The following PYHIN1 variants were observed in gnomAD, a reference collection of about 807,000 sequenced individuals.
PYHIN1 encodes the protein pyrin and HIN domain family member 1.
PYHIN1 carries 32 observed loss-of-function variants against 43.7 expected under a neutral mutation model. The observed-to-expected ratio is 0.73, with a 90% CI of 0.55 to 0.98. The LOEUF (loss-of-function observed/expected upper bound fraction) is 0.98, where lower values mean the gene tolerates loss of function less well. Ranked by LOEUF, PYHIN1 falls within the 50% of genes least tolerant of loss-of-function variation. The pLI, the probability that PYHIN1 is intolerant of heterozygous loss-of-function variation, is 0.00. For synonymous variants in PYHIN1, 205 were observed against 203.1 expected, an observed-to-expected ratio of 1.01 and a Z score of -0.08; for missense variants, 588 against 589.5, an observed-to-expected ratio of 1.00 and a Z score of 0.03.
At chr1:158,983,130 AT>A in the PYHIN1 span, among the ~76,000 whole-genome samples, 2 of 150,738 alleles carry the variant, frequency 1.3e-5, no homozygotes, top group East Asian at 2.0e-4. Flanking sequence ...GACGTCTTTT[AT>A]TTTTTTTTCT....
In PYHIN1 at chr1:158,959,796, C is replaced by G. The variant is rs77312512; in HGVS notation, c.1360-13851C>G. The stretch of plus-strand genomic sequence containing the variant: ...TTTCCCCCTTTCTATACCATAAGCT[C>G]AGATGGTAGGTAGAGTCTACCCCAG... On this transcript the variant is annotated intron_variant, in intron 7 of 8. Coordinates refer to ENST00000368140, the MANE Select transcript of PYHIN1 (RefSeq NM_152501.5). 8.1e-3 allele frequency among the ~76,000 whole-genome samples: 1,226 copies of G among 152,244 alleles called. 17 individuals carry two copies. Among genetic ancestry groups the G allele is most frequent in the African/African-American group, 0.028 (1,164 of 41,522 alleles).
intron 7 of PYHIN1, among the ~76,000 whole-genome samples, chr1:158,952,999 C>T (rs1649658677): frequency 6.6e-6 from 1 of 152,180 alleles, no homozygotes; most frequent in African/African-American, 2.4e-5. Context: ...GATCGACGCA[C>T]CTGGAAAATC....
chr1:158,973,834 T>C, intron 8 of PYHIN1, 63 bp downstream of exon 8: 2 of 1,520,920 alleles, frequency 1.3e-6, no homozygotes, highest in Non-Finnish European at 9.0e-7. Context: ...AATCAGAGTC[T>C]TCAAAGGGAT....
intron 4 of PYHIN1, chr1:158,939,700 G>A (rs1263773737): frequency 1.6e-6 from 1 of 620,160 alleles, no homozygotes; most frequent in Non-Finnish European, 2.9e-6. Context: ...CTTATCCTCA[G>A]GGAATCCTCA....
rs760037772 is a variant in PYHIN1, at chr1:158,942,375, A to G, written c.978A>G (p.Val326=). 24 of 1,603,276 alleles carry G rather than the reference A, an allele frequency of 1.5e-5. No individual in the cohort carries two copies. Among genetic ancestry groups the G allele is most frequent in the Non-Finnish European group, 2.0e-5 (23 of 1,176,378 alleles). ...ACAAACAAACTTCAGGATATATTGT[A>G]TATGGATTATTTATGCTACATACGG... ...ILHKQTSGYI[V]YGLFMLHTKI... The change falls in exon 5 of 9, where the codon GTA becomes GTG. Residue 326 remains valine (V), a synonymous_variant. Transcript: ENST00000368140.
chr1:158,952,641 G>A (rs1353742039), intron 7 of PYHIN1, among the ~76,000 whole-genome samples: 1 of 152,098 alleles, frequency 6.6e-6, no homozygotes, highest in African/African-American at 2.4e-5. Flanking sequence ...GGCTCTTCTG[G>A]TTGCAATGAA....
At chr1:158,988,033 C>T in the PYHIN1 span, among the ~76,000 whole-genome samples, 1 of 152,094 alleles carries the variant, frequency 6.6e-6, no homozygotes, top group Admixed American at 6.6e-5. Flanking sequence ...TTCATCAAAC[C>T]GCTAGAACCT....
chr1:158,932,067 T>G (rs1296313488), intron 1 of PYHIN1, among the ~76,000 whole-genome samples: 2 of 152,208 alleles, frequency 1.3e-5, no homozygotes, highest in African/African-American at 4.8e-5. Flanking sequence ...TCTCTGAGGT[T>G]AGAAAGCTTG....
At chr1:158,962,737 C>A (rs999521671) in intron 7 of PYHIN1, among the ~76,000 whole-genome samples, 1 of 152,160 alleles carries the variant, frequency 6.6e-6, no homozygotes, top group Non-Finnish European at 1.5e-5. Context: ...GTCTCTCTTC[C>A]CTATGAGCTC....
At chr1:158,975,140 G>A (rs192574832) in intron 8 of PYHIN1, among the ~76,000 whole-genome samples, 91 of 152,068 alleles carry the variant, frequency 6.0e-4, no homozygotes, top group Admixed American at 2.8e-3. Context: ...CACTTCCACA[G>A]GATGCCTGGA....
At chr1:158,942,867 T>C (rs1377810146) in intron 5 of PYHIN1, among the ~76,000 whole-genome samples, 1 of 152,208 alleles carries the variant, frequency 6.6e-6, no homozygotes, top group Non-Finnish European at 1.5e-5. Flanking sequence ...TACCTGGAAA[T>C]CAATTGCAGT....
chr1:158,974,822 G>T (rs774161923), intron 8 of PYHIN1, among the ~76,000 whole-genome samples: 9 of 152,130 alleles, frequency 5.9e-5, no homozygotes, highest in Admixed American at 5.9e-4. Context: ...TGGCTTAGGT[G>T]ACCATGGATG....
chr1:158,952,922 T>C (rs575522943), intron 7 of PYHIN1, among the ~76,000 whole-genome samples: 1 of 151,984 alleles, frequency 6.6e-6, no homozygotes, highest in South Asian at 2.1e-4. Context: ...CGAAGTAGGG[T>C]GAGGCATTGC....
chr1:158,984,747 G>A, the PYHIN1 span, among the ~76,000 whole-genome samples: 1 of 152,128 alleles, frequency 6.6e-6, no homozygotes, highest in Non-Finnish European at 1.5e-5. Flanking sequence ...TGTTAGTAGG[G>A]TGTTGTATTC....
intron 8 of PYHIN1, among the ~76,000 whole-genome samples, chr1:158,974,123 C>T (rs1557846825): frequency 1.3e-5 from 2 of 152,020 alleles, no homozygotes; most frequent in Non-Finnish European, 1.5e-5. Flanking sequence ...CGACTAATGA[C>T]CATAACTTAG....
chr1:158,955,104 A>T (rs536001144), intron 7 of PYHIN1, among the ~76,000 whole-genome samples: 1 of 151,818 alleles, frequency 6.6e-6, no homozygotes, highest in Non-Finnish European at 1.5e-5. Context: ...TCGTAAAGGA[A>T]GTCCTGAGTG....
Position 158,976,839 on chromosome 1 carries a change from A to AATAAATGTAT in PYHIN1, c.*147_*148insAATGTATATA. The AATAAATGTAT allele has an allele frequency of 3.1e-6, 1 of 321,644 alleles. No individual in the cohort carries two copies. Among genetic ancestry groups the AATAAATGTAT allele is most frequent in the East Asian group, 5.2e-5 (1 of 19,322 alleles). 19.9% of individuals were successfully genotyped at this position (321,644 alleles called of 1,614,324 possible). On this transcript the variant is annotated 3_prime_UTR_variant, in exon 9 of 9. Transcript: ENST00000368140. ...AAGATAAGATCAAAGCACAGAAAAT[A>AATAAATGTAT]ATATATGTATATATATCTGGTTGAA...
At chr1:158,932,952 CTAGAATATGAGATT>C (rs1648255163) in intron 1 of PYHIN1, among the ~76,000 whole-genome samples, 1 of 151,894 alleles carries the variant, frequency 6.6e-6, no homozygotes, top group African/African-American at 2.4e-5. Context: ...GTGTACTTGA[CTAGAATATGAGATT>C]TTAAATGTTG....
intron 7 of PYHIN1, among the ~76,000 whole-genome samples, chr1:158,945,647 A>G (rs1427807865): frequency 6.6e-6 from 1 of 152,218 alleles, no homozygotes; most frequent in Admixed American, 6.5e-5. Context: ...CTAATTTCAC[A>G]GAAGTGAACA....
Sources: gnomAD v4.1 joint callset for allele counts (sites outside exome capture counted in the v4.1 genomes callset) on GRCh38, gnomAD v4.1.1 for gene constraint, MANE v1.5 for transcripts, NCBI Gene and HGNC (gene_info 2026-07-23, HGNC 2026-07-21) for gene names.